STK3: variants seen among roughly 807,000 people sequenced by gnomAD.
The protein encoded by STK3 is serine/threonine kinase 3, also known as serine/threonine-protein kinase 3.
STK3 carries 41 observed loss-of-function variants against 58.0 expected under a neutral mutation model. The ratio of observed to expected loss-of-function variants is 0.71; its 90% CI spans 0.55 to 0.92. The LOEUF is 0.92. STK3 is among the 40% of genes least tolerant of loss of function. The pLI is 0.00. For synonymous variants in STK3, 170 were observed against 191.0 expected, an observed-to-expected ratio of 0.89 and a Z score of 0.91; for missense variants, 479 against 602.7, an observed-to-expected ratio of 0.79 and a Z score of 2.15.
chr8:98,750,435 A>G (rs1353958686), intron 3 of STK3, among the ~76,000 whole-genome samples: 1 of 151,940 alleles, frequency 6.6e-6, no homozygotes, highest in Non-Finnish European at 1.5e-5. Context: ...CAAATGTAAG[A>G]TAAATATGAC....
chr8:98,861,732 A>G (rs1836945714), intron 3 of STK3, among the ~76,000 whole-genome samples: 1 of 152,216 alleles, frequency 6.6e-6, no homozygotes, highest in Non-Finnish European at 1.5e-5. Flanking sequence ...ATGCAATTAT[A>G]GTCCCTCCAT....
chr8:98,759,858 A>G (rs531022073), intron 3 of STK3, among the ~76,000 whole-genome samples: 36 of 152,286 alleles, frequency 2.4e-4, no homozygotes, highest in Admixed American at 3.9e-4. Flanking sequence ...GGAACCCCAC[A>G]GATACCAAAA....
chr8:98,524,543 G>T (rs1009437820), intron 10 of STK3, among the ~76,000 whole-genome samples: 1 of 152,118 alleles, frequency 6.6e-6, no homozygotes, highest in African/African-American at 2.4e-5. Context: ...GCAGTTTTCA[G>T]TGTACAAGTC....
At chr8:98,699,257 A>G (rs1364329856) in intron 6 of STK3, among the ~76,000 whole-genome samples, 5 of 152,086 alleles carry the variant, frequency 3.3e-5, no homozygotes, top group Non-Finnish European at 5.9e-5. Context: ...CTAGTTATAC[A>G]TTCTTCTAAA....
upstream of STK3, among the ~76,000 whole-genome samples, chr8:98,389,976 C>T (rs375965100): frequency 4.1e-4 from 63 of 152,138 alleles, 1 homozygote; most frequent in African/African-American, 1.5e-3. Flanking sequence ...ATGAGCCCCC[C>T]TTTCCCCACA....
At chr8:98,586,996 T>G (rs1814680291) in intron 7 of STK3, among the ~76,000 whole-genome samples, 1 of 152,116 alleles carries the variant, frequency 6.6e-6, no homozygotes, top group Non-Finnish European at 1.5e-5. Flanking sequence ...CTTTTTTTCT[T>G]TATTAGTCTT....
At chr8:98,796,965 G>A (rs769898487) in intron 1 of STK3, among the ~76,000 whole-genome samples, 1 of 152,194 alleles carries the variant, frequency 6.6e-6, no homozygotes, top group Non-Finnish European at 1.5e-5. Context: ...TTTCTGGACT[G>A]ATAGTGAGCA....
In STK3 at chr8:98,413,659, A is replaced by G. The variant is rs1346600542; in HGVS notation, n.484-12146T>C. 27 of 858,186 alleles carry G rather than the reference A, an allele frequency of 3.1e-5. 2 individuals are homozygous for G. The East Asian group carries it at 6.4e-4, about 20-fold the overall frequency. 53.2% of individuals were successfully genotyped at this position (858,186 alleles called of 1,614,324 possible). ...TTCTCCTCACAAACCGTAGAAAAGCAGTTGAGGAACTCTACAGTGTGCACC... is the reference window on the plus strand; with the variant it reads ...TTCTCCTCACAAACCGTAGAAAAGCGGTTGAGGAACTCTACAGTGTGCACC... On this transcript the variant is annotated intron_variant and non_coding_transcript_variant, in intron 3 of 3. Coordinates refer to the STK3 transcript ENST00000517832.
chr8:98,711,964 AG>A (rs1491185031), intron 4 of STK3, among the ~76,000 whole-genome samples: 1 of 152,184 alleles, frequency 6.6e-6, no homozygotes, highest in South Asian at 2.1e-4. Flanking sequence ...GCCAGAAGAC[AG>A]GGGGGCCAAT....
intron 1 of STK3, among the ~76,000 whole-genome samples, chr8:98,446,208 C>G (rs2131107422): frequency 6.6e-6 from 1 of 152,348 alleles, no homozygotes; most frequent in South Asian, 2.1e-4. Flanking sequence ...AAGACTTCCT[C>G]TATTCCTACT....
intron 8 of STK3, among the ~76,000 whole-genome samples, chr8:98,559,414 A>G (rs534981612): frequency 6.6e-6 from 1 of 152,290 alleles, no homozygotes; most frequent in South Asian, 2.1e-4. Context: ...TGGTGAACAC[A>G]GAGGAGCACT....
intron 10 of STK3, among the ~76,000 whole-genome samples, chr8:98,477,702 C>CG (rs1286720911): frequency 0.035 from 80 of 2,266 alleles, 8 homozygotes; most frequent in South Asian, 0.15. Flanking sequence ...TCACACTTGG[C>CG]GGGGGGGGGG....
Position 98,535,834 on chromosome 8 carries a change from T to A in STK3, c.1142-8917A>T, listed in dbSNP as rs141954156. Among the ~76,000 whole-genome samples, 309 of 152,226 alleles carry A rather than the reference T, an allele frequency of 2.0e-3. 1 individual carries two copies. Among genetic ancestry groups the A allele is most frequent in the African/African-American group, 6.8e-3 (284 of 41,550 alleles). On this transcript the variant is annotated intron_variant, in intron 9 of 10. Coordinates refer to ENST00000419617, the MANE Select transcript of STK3 (RefSeq NM_006281.4). ...TACAAAGAACAGAGTGGGGGAAATT[T>A]TAATCTTCTATAAAAACCTTCAAAA...
At chr8:98,541,002 A>G (rs1810208694) in intron 9 of STK3, among the ~76,000 whole-genome samples, 1 of 152,148 alleles carries the variant, frequency 6.6e-6, no homozygotes, top group Admixed American at 6.5e-5. Flanking sequence ...TTCAATCTGT[A>G]TTACTGAACT....
chr8:98,740,073 T>G (rs1286155741), intron 4 of STK3, among the ~76,000 whole-genome samples: 1 of 152,168 alleles, frequency 6.6e-6, no homozygotes, highest in Non-Finnish European at 1.5e-5. Flanking sequence ...GAACAAAGCC[T>G]CCAAGAAATA....
At chr8:98,792,569 G>A (rs1389694522) in intron 1 of STK3, among the ~76,000 whole-genome samples, 16 of 152,088 alleles carry the variant, frequency 1.1e-4, no homozygotes, top group Non-Finnish European at 1.8e-4. Flanking sequence ...GCATGGTGGC[G>A]CATGCCTGTA....
chr8:98,365,540 A>C, the STK3 span, among the ~76,000 whole-genome samples: 1 of 152,196 alleles, frequency 6.6e-6, no homozygotes, highest in Non-Finnish European at 1.5e-5. Flanking sequence ...ACAAATGAAC[A>C]CATGCTTACT....
Position 98,779,298 on chromosome 8 carries a change from C to T in STK3, c.27-4479G>A, listed in dbSNP as rs144513240. On this transcript the variant is annotated intron_variant, in intron 1 of 10. Transcript: ENST00000419617. ...CACTGTGCTGCTTCATTACCCTGAA[C>T]ATATTTTTTTTCCACTGTATTAATG... Among the ~76,000 whole-genome samples, 1,307 of 152,258 alleles carry T rather than the reference C, an allele frequency of 8.6e-3. 10 individuals are homozygous for T. Among genetic ancestry groups the T allele is most frequent in the African/African-American group, 0.03 (1,231 of 41,548 alleles).
At chr8:98,439,989 G>A (rs530704589) in intron 1 of STK3, among the ~76,000 whole-genome samples, 41 of 152,182 alleles carry the variant, frequency 2.7e-4, no homozygotes, top group Non-Finnish European at 5.6e-4. Context: ...AAGAGGTGAC[G>A]CCTGAGCTAG....
Sources: gnomAD v4.1 joint callset for allele counts (sites outside exome capture counted in the v4.1 genomes callset) on GRCh38, gnomAD v4.1.1 for gene constraint, MANE v1.5 for transcripts, NCBI Gene and HGNC (gene_info 2026-07-23, HGNC 2026-07-21) for gene names.